Variants in SYNCRIP observed in about 807,000 individuals in gnomAD.
The protein encoded by SYNCRIP is synaptotagmin binding cytoplasmic RNA interacting protein.
Under a neutral mutation model 68.9 loss-of-function variants are expected in SYNCRIP, and 9 were observed. The observed-to-expected ratio is 0.13, with a 90% CI of 0.08 to 0.23. The LOEUF (loss-of-function observed/expected upper bound fraction) is 0.23. Ranked by LOEUF, SYNCRIP falls within the 10% of genes least tolerant of loss-of-function variation. The pLI, the probability that SYNCRIP is intolerant of heterozygous loss-of-function variation, is 1.00. For synonymous variants in SYNCRIP, 258 were observed against 254.0 expected (o/e 1.02, Z -0.15); for missense variants, 414 against 770.6 (o/e 0.54, Z 5.48).
At chr6:85,625,835 C>T (rs1205677772) in intron 6 of SYNCRIP, among the ~76,000 whole-genome samples, 1 of 152,194 alleles carries the variant, frequency 6.6e-6, no homozygotes. Flanking sequence ...CAAAATACTC[C>T]TCCATGTTAA....
At chr6:85,608,291 G>A (rs921393233), downstream of SYNCRIP, 7 of 152,006 alleles carry the variant, frequency 4.6e-5, no homozygotes, top group Admixed American at 2.6e-4. Context: ...ATGAATTGGA[G>A]GACACCCACA....
rs576122725 is a variant in SYNCRIP, at chr6:85,633,684, T to G, written c.666+3283A>C. On this transcript the variant is annotated intron_variant, in intron 6 of 10. Transcript: ENST00000369622. The stretch of plus-strand genomic sequence containing the variant: ...CCAATACCTACCATTGGAAATTTTT[T>G]TTTTCCCCCTTTTTGGTTTTTTGAG... Among the ~76,000 whole-genome samples the G allele has an allele frequency of 5.9e-5, 9 of 152,302 alleles. No individual in the cohort carries two copies. The East Asian group carries it at 1.7e-3, about 29-fold the overall frequency.
At chr6:85,641,033 C>A (rs887784261) in intron 2 of SYNCRIP, among the ~76,000 whole-genome samples, 3 of 152,208 alleles carry the variant, frequency 2.0e-5, no homozygotes, top group African/African-American at 7.2e-5. Context: ...CTGTTCCCAA[C>A]ATTTAGCAGC....
chr6:85,624,924 G>A (rs962685195), intron 6 of SYNCRIP, among the ~76,000 whole-genome samples: 2 of 152,160 alleles, frequency 1.3e-5, no homozygotes, highest in African/African-American at 4.8e-5. Flanking sequence ...AATAATTATT[G>A]ATTAATCCTC....
At chr6:85,634,664 G>C (rs552190244) in intron 6 of SYNCRIP, among the ~76,000 whole-genome samples, 106 of 152,158 alleles carry the variant, frequency 7.0e-4, no homozygotes, top group African/African-American at 2.4e-3. Context: ...ACAGTAGAGA[G>C]AGCCCACTGT....
intron 4 of SYNCRIP, among the ~76,000 whole-genome samples, chr6:85,639,801 T>G (rs1269368834): frequency 2.0e-5 from 3 of 152,160 alleles, no homozygotes; most frequent in Non-Finnish European, 2.9e-5. Flanking sequence ...AATAGTCTAA[T>G]AATCCATACT....
rs1236914995 is a variant in SYNCRIP, at chr6:85,614,386, T to C, written c.*370A>G. On this transcript the variant is annotated 3_prime_UTR_variant, in exon 11 of 11. Coordinates refer to ENST00000369622, the MANE Select transcript of SYNCRIP (RefSeq NM_006372.5). ...TTGGTAACATACAAAGTTATTCTGATACAAGATATTAAAGACACACTTGGT... is the reference window on the plus strand; with the variant it reads ...TTGGTAACATACAAAGTTATTCTGACACAAGATATTAAAGACACACTTGGT... 8.0e-6 allele frequency: 8 copies of C among 998,110 alleles called. No individual in the cohort carries two copies. Among genetic ancestry groups the C allele is most frequent in the Non-Finnish European group, 9.5e-6 (8 of 838,726 alleles). 61.8% of individuals were successfully genotyped at this position (998,110 alleles called of 1,614,324 possible).
chr6:85,618,245 A>C (rs1457009857), intron 10 of SYNCRIP, among the ~76,000 whole-genome samples: 1 of 152,156 alleles, frequency 6.6e-6, no homozygotes, highest in Non-Finnish European at 1.5e-5. Context: ...AATACAAAGA[A>C]AATATGTGAG....
intron 4 of SYNCRIP, among the ~76,000 whole-genome samples, chr6:85,639,211 AAAAC>A (rs563869901): frequency 0.021 from 3,155 of 152,280 alleles, 46 homozygotes; most frequent in Non-Finnish European, 0.032. Context: ...CTGTCTCCCA[AAAAC>A]AAACAAACAA....
At chr6:85,630,305 G>A (rs1217266836) in intron 6 of SYNCRIP, among the ~76,000 whole-genome samples, 2 of 152,198 alleles carry the variant, frequency 1.3e-5, no homozygotes, top group African/African-American at 4.8e-5. Context: ...AGCTTGCAAT[G>A]AGCCGAGATC....
chr6:85,627,927 T>C (rs968109596), intron 6 of SYNCRIP, among the ~76,000 whole-genome samples: 8 of 152,238 alleles, frequency 5.3e-5, no homozygotes, highest in Admixed American at 5.2e-4. Context: ...TTTTAAGTCC[T>C]TCCCTCATAG....
downstream of SYNCRIP, among the ~76,000 whole-genome samples, chr6:85,613,475 T>C (rs1367589922): frequency 1.3e-5 from 2 of 152,170 alleles, no homozygotes; most frequent in African/African-American, 4.8e-5. Context: ...GTTAAACCTT[T>C]TCACTGTTGA....
chr6:85,632,325 C>T (rs746468895), intron 6 of SYNCRIP, among the ~76,000 whole-genome samples: 23 of 152,162 alleles, frequency 1.5e-4, no homozygotes, highest in Non-Finnish European at 2.9e-4. Flanking sequence ...AGGCATGAGG[C>T]ACTTTCCCAA....
chr6:85,642,966 T>C (rs1166805283), upstream of SYNCRIP: 4 of 151,616 alleles, frequency 2.6e-5, no homozygotes, highest in Non-Finnish European at 4.4e-5. Flanking sequence ...CCGAGCGCGC[T>C]CCCGGTGCGC....
In SYNCRIP at chr6:85,624,069, C is replaced by G; in HGVS notation, c.710G>C (p.Cys237Ser). Residue 237 changes from cysteine (C) to serine (S), a missense_variant, in exon 7 of 11, where the codon TGC becomes TCC. Transcript: ENST00000369622. The part of the protein sequence containing the change: ...EIRSGKHIGV[C>S]ISVANNRLFV... ...AAGCCTATTGTTGGCAACTGAGATG[C>G]AGACACCAATATGTTTTCCAGAACG... 6.2e-7 allele frequency: 1 copy of G among 1,613,784 alleles called. No homozygotes were observed. The highest frequency in any genetic ancestry group is 8.5e-7 in the Non-Finnish European group (1 of 1,179,818).
At chr6:85,613,869 T>C (rs1178688642), downstream of SYNCRIP, 6 of 644,728 alleles carry the variant, frequency 9.3e-6, no homozygotes, top group Admixed American at 6.3e-5. Context: ...CAACTGAAAG[T>C]GGACTTGTCA....
chr6:85,616,597 C>G (rs914624369), intron 10 of SYNCRIP, among the ~76,000 whole-genome samples: 2 of 151,984 alleles, frequency 1.3e-5, no homozygotes, highest in African/African-American at 2.4e-5. Context: ...ATCTGCCCAC[C>G]TCAGCCTCCC....
chr6:85,609,828 G>C (rs533947490), downstream of SYNCRIP: 7 of 151,854 alleles, frequency 4.6e-5, no homozygotes, highest in South Asian at 2.1e-4. Flanking sequence ...GAAGGGACTT[G>C]ACTCGGATTT....
At chr6:85,615,415 A>G (rs1805659051) in intron 10 of SYNCRIP, 68 bp from the exon 11 acceptor site, 1 of 1,045,732 alleles carries the variant, frequency 9.6e-7, no homozygotes, top group South Asian at 2.1e-5. Context: ...GCATTTAGCC[A>G]TTTGTAACAG....
Sources: gnomAD v4.1 joint callset for allele counts (sites outside exome capture counted in the v4.1 genomes callset) on GRCh38, gnomAD v4.1.1 for gene constraint, MANE v1.5 for transcripts, NCBI Gene and HGNC (gene_info 2026-07-23, HGNC 2026-07-21) for gene names.